Variants in SLC25A48 observed in about 807,000 individuals in gnomAD.
SLC25A48 encodes the protein solute carrier family 25 member 48.
Under a neutral mutation model 32.2 loss-of-function variants are expected in SLC25A48, and 29 were observed. That is an observed-to-expected ratio of 0.90 (90% CI 0.67 to 1.23). SLC25A48 has a LOEUF of 1.23. Ranked by LOEUF, SLC25A48 falls within the 50% of genes most tolerant of loss-of-function variation. The pLI, the probability that SLC25A48 is intolerant of heterozygous loss-of-function variation, is 0.00. For missense variants in SLC25A48, 399 were observed against 422.7 expected (o/e 0.94, Z 0.49); for synonymous variants, 164 against 172.3 (o/e 0.95, Z 0.38).
intron 1 of SLC25A48, among the ~76,000 whole-genome samples, chr5:135,598,905 A>T (rs1508776): frequency 0.48 from 72,399 of 151,952 alleles, 17,846 homozygotes; most frequent in African/African-American, 0.61. Context: ...GGAATGCTGC[A>T]CAGTTGCTGT....
intron 3 of SLC25A48, among the ~76,000 whole-genome samples, chr5:135,763,764 T>TGCACACACACAC (rs768937385): frequency 2.4e-5 from 3 of 125,638 alleles, no homozygotes; most frequent in African/African-American, 8.2e-5. Flanking sequence ...AACACACACA[T>TGCACACACACAC]ACACACACAC....
In SLC25A48 at chr5:135,828,393, T is replaced by G. The variant is rs369030373; in HGVS notation, c.-116-14023T>G. ...GCATTGACTCACTGAGTGTGTTAAGTGCAGCTTGAGTGAGGTACAGTTATC... is the reference window on the plus strand; with the variant it reads ...GCATTGACTCACTGAGTGTGTTAAGGGCAGCTTGAGTGAGGTACAGTTATC... On this transcript the variant is annotated intron_variant, in intron 4 of 10. Transcript: ENST00000646290. 1.8e-4 allele frequency among the ~76,000 whole-genome samples: 28 copies of G among 152,318 alleles called. 1 individual carries two copies. Among genetic ancestry groups the G allele is most frequent in the African/African-American group, 6.7e-4 (28 of 41,582 alleles).
intron 3 of SLC25A48, among the ~76,000 whole-genome samples, chr5:135,675,412 C>G (rs1753745114): frequency 6.6e-6 from 1 of 151,624 alleles, no homozygotes; most frequent in African/African-American, 2.4e-5. Context: ...AAAACCTTGG[C>G]CTGCATATGG....
intron 3 of SLC25A48, among the ~76,000 whole-genome samples, chr5:135,756,439 C>T (rs533916890): frequency 5.0e-4 from 76 of 152,042 alleles, no homozygotes; most frequent in Non-Finnish European, 8.8e-4. Context: ...GATCCCAGGC[C>T]AAGGTGGGTG....
At chr5:135,755,487 T>C (rs1031642547) in intron 3 of SLC25A48, among the ~76,000 whole-genome samples, 2 of 152,046 alleles carry the variant, frequency 1.3e-5, no homozygotes, top group Non-Finnish European at 2.9e-5. Context: ...TATCATATCA[T>C]ATCTAGTGTT....
chr5:135,877,415 G>T (rs1435552654), intron 6 of SLC25A48, among the ~76,000 whole-genome samples: 2 of 152,248 alleles, frequency 1.3e-5, no homozygotes, highest in East Asian at 3.9e-4. Flanking sequence ...AGGGCCAGCT[G>T]CCCTGGGTTG....
chr5:135,634,477 A>G (rs1453225611), intron 2 of SLC25A48, among the ~76,000 whole-genome samples: 1 of 152,262 alleles, frequency 6.6e-6, no homozygotes. Context: ...ATGGAAGGAC[A>G]CTAGAGAAAG....
At chr5:135,851,011 C>G (rs921491750) in intron 3 of SLC25A48, among the ~76,000 whole-genome samples, 2 of 152,328 alleles carry the variant, frequency 1.3e-5, no homozygotes, top group African/African-American at 4.8e-5. Context: ...TCTTGAGAAT[C>G]AGCATGTGCT....
intron 1 of SLC25A48, among the ~76,000 whole-genome samples, chr5:135,608,464 C>G (rs1353281664): frequency 6.6e-6 from 1 of 152,220 alleles, no homozygotes; most frequent in Non-Finnish European, 1.5e-5. Flanking sequence ...AGCAATGACT[C>G]TGCAGTTAAC....
intron 3 of SLC25A48, among the ~76,000 whole-genome samples, chr5:135,768,265 G>A (rs565946366): frequency 6.7e-4 from 100 of 148,170 alleles, no homozygotes; most frequent in African/African-American, 2.3e-3. Context: ...TATTGAAAAC[G>A]GTGTACACCC....
rs1288837808 is a variant in SLC25A48 at position 135,816,896 on chromosome 5, C to T, written c.-117+3970C>T. On this transcript the variant is annotated intron_variant, in intron 4 of 10. Transcript: ENST00000646290. ...TGTAACATTGTATTTGACAATTTCA[C>T]TGTACACAATTAGATCTCAATAAAA... Among the ~76,000 whole-genome samples the T allele has an allele frequency of 3.3e-5, 5 of 152,180 alleles. No homozygotes were observed. The East Asian group carries it at 9.6e-4, about 29-fold the overall frequency.
At chr5:135,841,884 G>A (rs532735626) in intron 1 of SLC25A48, among the ~76,000 whole-genome samples, 1 of 152,268 alleles carries the variant, frequency 6.6e-6, no homozygotes, top group African/African-American at 2.4e-5. Flanking sequence ...GAAGAGGCAG[G>A]TCAGTTCAGC....
chr5:135,775,578 G>A (rs79825798), intron 3 of SLC25A48, among the ~76,000 whole-genome samples: 1,710 of 151,438 alleles, frequency 0.011, 30 homozygotes, highest in African/African-American at 0.039. Context: ...ATATCTGGTG[G>A]GGGGGAAATA....
intron 1 of SLC25A48, among the ~76,000 whole-genome samples, chr5:135,621,359 T>C (rs1232548761): frequency 1.3e-5 from 2 of 152,242 alleles, no homozygotes; most frequent in Admixed American, 1.3e-4. Flanking sequence ...GTTTTCAGTT[T>C]ATGGGAATAT....
chr5:135,736,820 A>C (rs2126996822), intron 3 of SLC25A48, among the ~76,000 whole-genome samples: 2 of 152,312 alleles, frequency 1.3e-5, no homozygotes, highest in East Asian at 3.9e-4. Context: ...CTCTACCAGA[A>C]AAGGAAAGGA....
chr5:135,620,534 A>G (rs892144801), intron 1 of SLC25A48, among the ~76,000 whole-genome samples: 1 of 152,088 alleles, frequency 6.6e-6, no homozygotes, highest in African/African-American at 2.4e-5. Context: ...GGGGGTTGCA[A>G]TCTTTACTCA....
Position 135,778,480 on chromosome 5 carries a change from C to T in SLC25A48, c.-520-34043C>T, listed in dbSNP as rs1035420493. On this transcript the variant is annotated intron_variant, in intron 3 of 10. Transcript: ENST00000646290. ...CCGTCCCCCCGCTGTGATATGTTTC[C>T]TAATGTCCAGGGAGGAAGAGGATGA... 5.9e-5 allele frequency among the ~76,000 whole-genome samples: 9 copies of T among 151,690 alleles called. No individual in the cohort carries two copies. The East Asian group carries it at 1.8e-3, about 30-fold the overall frequency.
At chr5:135,585,931 G>C (rs2126872466) in intron 1 of SLC25A48, among the ~76,000 whole-genome samples, 1 of 152,136 alleles carries the variant, frequency 6.6e-6, no homozygotes, top group South Asian at 2.1e-4. Flanking sequence ...CTTATCTGTG[G>C]GTTGGCTTGG....
intron 1 of SLC25A48, among the ~76,000 whole-genome samples, chr5:135,591,755 A>T (rs548679717): frequency 5.3e-5 from 8 of 152,170 alleles, no homozygotes; most frequent in African/African-American, 1.9e-4. Context: ...AGGCAATTGA[A>T]TGCTTTCAGA....
Sources: allele counts gnomAD v4.1 joint callset (sites outside exome capture counted in the v4.1 genomes callset), GRCh38; gene constraint gnomAD v4.1.1; transcripts MANE v1.5; gene names NCBI Gene and HGNC (gene_info 2026-07-23, HGNC 2026-07-21).